ESR1: variants seen among roughly 807,000 people sequenced by gnomAD.
ESR1 encodes estrogen receptor 1, also known as estrogen receptor.
Under a neutral mutation model 52.7 loss-of-function variants are expected in ESR1, and 12 were observed. That is an observed-to-expected ratio of 0.23 (90% CI 0.15 to 0.37). The LOEUF is 0.37. Among genes scored for constraint, ESR1 ranks in the 10% least tolerant of loss-of-function variants. The pLI is 1.00. For missense variants in ESR1, 584 were observed against 779.7 expected, an observed-to-expected ratio of 0.75 and a Z score of 2.99; for synonymous variants, 305 against 316.8, an observed-to-expected ratio of 0.96 and a Z score of 0.39.
intron 5 of ESR1, among the ~76,000 whole-genome samples, chr6:152,023,859 G>A (rs2043897294): frequency 6.6e-6 from 1 of 152,030 alleles, no homozygotes; most frequent in Non-Finnish European, 1.5e-5. Flanking sequence ...TCATAGCAGG[G>A]GTTGGCATAC....
intron 1 of ESR1, among the ~76,000 whole-genome samples, chr6:151,819,538 T>C (rs961116256): frequency 3.3e-5 from 5 of 152,206 alleles, no homozygotes; most frequent in African/African-American, 1.2e-4. Context: ...TACTGTGAAC[T>C]GTGTATGTGA....
At chr6:151,843,876 A>G (rs577838088) in intron 2 of ESR1, among the ~76,000 whole-genome samples, 3 of 150,556 alleles carry the variant, frequency 2.0e-5, no homozygotes, top group South Asian at 2.1e-4. Context: ...GGGATGGTAT[A>G]TAGTATTTAT....
intron 6 of ESR1, among the ~76,000 whole-genome samples, chr6:152,091,849 A>C (rs1010466317): frequency 6.6e-6 from 1 of 152,156 alleles, no homozygotes; most frequent in Non-Finnish European, 1.5e-5. Context: ...CAAGAAAGGG[A>C]TTATTGGTGA....
chr6:151,963,245 G>C (rs1380095798), intron 4 of ESR1, among the ~76,000 whole-genome samples: 1 of 152,156 alleles, frequency 6.6e-6, no homozygotes, highest in Non-Finnish European at 1.5e-5. Context: ...ATGAGCTTCC[G>C]TGCAATGTTT....
intron 6 of ESR1, among the ~76,000 whole-genome samples, chr6:152,077,783 A>G (rs1012422933): frequency 6.6e-6 from 1 of 151,984 alleles, no homozygotes; most frequent in South Asian, 2.1e-4. Flanking sequence ...GTTTTGGCCA[A>G]TTTCTCCCAT....
chr6:151,722,439 C>T (rs1185602264), intron 2 of ESR1, among the ~76,000 whole-genome samples: 2 of 152,162 alleles, frequency 1.3e-5, no homozygotes, highest in Admixed American at 6.5e-5. Context: ...GAGAAAAAGG[C>T]AGATAGGGGC....
chr6:151,685,098 C>T (rs1369637625), intron 1 of ESR1, among the ~76,000 whole-genome samples: 1 of 135,010 alleles, frequency 7.4e-6, no homozygotes, highest in Non-Finnish European at 1.6e-5. Flanking sequence ...TTTTGTCTGA[C>T]ACTGGCCTCT....
chr6:152,067,045 G>T (rs1444965498), intron 6 of ESR1, among the ~76,000 whole-genome samples: 1 of 152,280 alleles, frequency 6.6e-6, no homozygotes, highest in East Asian at 1.9e-4. Context: ...CACTATGAAA[G>T]AAATTACTCT....
chr6:151,704,142 G>A (rs769879282), intron 2 of ESR1, among the ~76,000 whole-genome samples: 3 of 152,188 alleles, frequency 2.0e-5, no homozygotes, highest in Non-Finnish European at 4.4e-5. Context: ...ATGTTGATAG[G>A]TTAGTGTAGA....
At chr6:151,729,172 G>A (rs1304639181) in intron 2 of ESR1, among the ~76,000 whole-genome samples, 2 of 152,130 alleles carry the variant, frequency 1.3e-5, no homozygotes, top group African/African-American at 4.8e-5. Context: ...AAAAGGATTA[G>A]TGCCCTCAGC....
At chr6:151,942,851 A>G (rs1171761524) in intron 3 of ESR1, among the ~76,000 whole-genome samples, 1 of 152,194 alleles carries the variant, frequency 6.6e-6, no homozygotes, top group African/African-American at 2.4e-5. Context: ...ATATAAATCT[A>G]AGAATTATGC....
intron 5 of ESR1, among the ~76,000 whole-genome samples, chr6:152,060,496 A>C (rs1290507141): frequency 6.6e-6 from 1 of 152,202 alleles, no homozygotes; most frequent in South Asian, 2.1e-4. Flanking sequence ...ACCATAGCCC[A>C]TAGTTATTGT....
chr6:151,838,147 G>A (rs868124893), intron 1 of ESR1, among the ~76,000 whole-genome samples: 3 of 152,212 alleles, frequency 2.0e-5, no homozygotes, highest in Admixed American at 6.5e-5. Flanking sequence ...CTGCAGGCAT[G>A]AGCCAATGTG....
At chr6:152,083,405 T>G (rs888960979) in intron 6 of ESR1, among the ~76,000 whole-genome samples, 12 of 152,202 alleles carry the variant, frequency 7.9e-5, no homozygotes, top group Non-Finnish European at 1.0e-4. Context: ...GAAAACTGGC[T>G]AGCCATATGT....
At chr6:151,832,475 A>G (rs942807666) in intron 1 of ESR1, among the ~76,000 whole-genome samples, 3 of 152,246 alleles carry the variant, frequency 2.0e-5, no homozygotes, top group Non-Finnish European at 4.4e-5. Flanking sequence ...GGTCACAGAC[A>G]CAAACTGCCT....
At chr6:151,982,143 G>A (rs1052051709) in intron 4 of ESR1, among the ~76,000 whole-genome samples, 1 of 152,214 alleles carries the variant, frequency 6.6e-6, no homozygotes, top group African/African-American at 2.4e-5. Context: ...AGATGATTAA[G>A]GCAAGGGTCT....
intron 4 of ESR1, among the ~76,000 whole-genome samples, chr6:152,002,726 G>A (rs1400407365): frequency 6.6e-6 from 1 of 151,766 alleles, no homozygotes; most frequent in Non-Finnish European, 1.5e-5. Context: ...TCTCATTTAA[G>A]CTGAAATTGA....
chr6:151,704,613 G>C (rs1780044248), intron 2 of ESR1, among the ~76,000 whole-genome samples: 1 of 152,142 alleles, frequency 6.6e-6, no homozygotes, highest in Non-Finnish European at 1.5e-5. Context: ...GGTCTACTTA[G>C]TCATGTCTGG....
intron 2 of ESR1, among the ~76,000 whole-genome samples, chr6:151,748,054 C>T (rs1562375090): frequency 6.6e-6 from 1 of 152,122 alleles, no homozygotes; most frequent in Non-Finnish European, 1.5e-5. Flanking sequence ...CCAGGAACTG[C>T]CAAATGGCTG....
Sources: gnomAD v4.1 joint callset for allele counts (sites outside exome capture counted in the v4.1 genomes callset) on GRCh38, gnomAD v4.1.1 for gene constraint, MANE v1.5 for transcripts, NCBI Gene and HGNC (gene_info 2026-07-23, HGNC 2026-07-21) for gene names.